Variants in ENTPD5 observed in about 807,000 individuals in gnomAD.
ENTPD5 encodes the protein ectonucleoside triphosphate diphosphohydrolase 5 (inactive).
In ENTPD5, 49 loss-of-function variants were observed where a neutral mutation model predicts 60.2. The ratio of observed to expected loss-of-function variants is 0.81; its 90% confidence interval spans 0.65 to 1.03. The LOEUF is 1.03. ENTPD5 is among the 50% of genes least tolerant of loss of function. The probability of loss-of-function intolerance (pLI) is 0.00; values close to 1 mark genes in which losing one functional copy is unlikely to be tolerated. For synonymous variants in ENTPD5, 187 were observed against 185.4 expected, an observed-to-expected ratio of 1.01 and a Z score of -0.07; for missense variants, 480 against 507.6, an observed-to-expected ratio of 0.95 and a Z score of 0.52.
chr14:73,979,596 C>T (rs189530879), intron 6 of ENTPD5, among the ~76,000 whole-genome samples: 3 of 151,966 alleles, frequency 2.0e-5, no homozygotes, highest in African/African-American at 4.8e-5. Flanking sequence ...CTCAGCCTCC[C>T]GAGTAGCTGG....
chr14:73,959,001 C>T (rs769890899), downstream of ENTPD5: 8 of 1,614,068 alleles, frequency 5.0e-6, no homozygotes, highest in East Asian at 6.7e-5. Flanking sequence ...CTCCGGAGTA[C>T]GGCAGGCTGT....
intron 3 of ENTPD5, among the ~76,000 whole-genome samples, chr14:73,990,200 A>G (rs2058075670): frequency 1.3e-5 from 2 of 152,002 alleles, no homozygotes; most frequent in Non-Finnish European, 2.9e-5. Flanking sequence ...ATAAAAAATA[A>G]TAATTGTAGG....
At chr14:73,972,827 T>C in intron 13 of ENTPD5, 57 bp downstream of exon 13, 1 of 1,586,290 alleles carries the variant, frequency 6.3e-7, no homozygotes, top group South Asian at 1.1e-5. Context: ...TCCTTGACCT[T>C]CCCCACCACA....
intron 3 of ENTPD5, 86 bp downstream of exon 3, chr14:74,011,005 T>C (rs2058831670): frequency 1.6e-5 from 3 of 190,712 alleles, no homozygotes; most frequent in Non-Finnish European, 1.9e-5. Flanking sequence ...CCATCTACTG[T>C]GAGCTCTCAG....
At chr14:73,961,506 C>T (rs1429020772), downstream of ENTPD5, 1 of 1,614,086 alleles carries the variant, frequency 6.2e-7, no homozygotes, top group African/African-American at 1.3e-5. Context: ...TCAACATGGG[C>T]TTTGGGGATA....
chr14:73,990,080 G>T (rs1277438930), intron 3 of ENTPD5, among the ~76,000 whole-genome samples: 1 of 151,942 alleles, frequency 6.6e-6, no homozygotes, highest in Non-Finnish European at 1.5e-5. Context: ...AGGTACTTGG[G>T]AGGCTGAGGT....
downstream of ENTPD5, chr14:73,960,256 T>C (rs1566690881): frequency 4.1e-6 from 4 of 986,680 alleles, no homozygotes; most frequent in Non-Finnish European, 4.8e-6. Flanking sequence ...ATAGTATCAC[T>C]AACTGCTCAG....
downstream of ENTPD5, chr14:73,959,575 G>A: frequency 6.2e-7 from 1 of 1,613,552 alleles, no homozygotes. Context: ...GATACAGAAA[G>A]GTGTTGTTTT....
At chr14:73,989,663 G>A (rs1161574584) in intron 3 of ENTPD5, among the ~76,000 whole-genome samples, 8 of 152,004 alleles carry the variant, frequency 5.3e-5, no homozygotes, top group South Asian at 2.1e-4. Flanking sequence ...GTGAAACCCC[G>A]CCTCTACAAA....
intron 3 of ENTPD5, among the ~76,000 whole-genome samples, chr14:74,004,573 T>C (rs1179629839): frequency 6.6e-6 from 1 of 152,146 alleles, no homozygotes; most frequent in Non-Finnish European, 1.5e-5. Context: ...CTGCAGTCAA[T>C]CTGAAGGCTT....
At chr14:73,982,086 G>T (rs1441563549) in intron 6 of ENTPD5, among the ~76,000 whole-genome samples, 4 of 152,050 alleles carry the variant, frequency 2.6e-5, no homozygotes, top group African/African-American at 9.7e-5. Flanking sequence ...TTGTTTGTTT[G>T]TTTTTTGAGA....
At chr14:73,982,933 G>A (rs1342108756) in intron 6 of ENTPD5, 85 bp downstream of exon 6, 1 of 1,393,192 alleles carries the variant, frequency 7.2e-7, no homozygotes, top group Non-Finnish European at 9.9e-7. Context: ...GAAGGTAGTG[G>A]TCACATTCCA....
intron 5 of ENTPD5, among the ~76,000 whole-genome samples, chr14:73,985,917 C>G (rs907190559): frequency 6.6e-6 from 1 of 151,624 alleles, no homozygotes; most frequent in Non-Finnish European, 1.5e-5. Flanking sequence ...ACTAAAAATA[C>G]AAAAATTAGC....
rs2140581910 is a variant in ENTPD5 at position 73,983,132 on chromosome 14, C to A, written c.327G>T (p.Glu109Asp). 1 of 1,614,050 alleles carries A rather than the reference C, an allele frequency of 6.2e-7. No individual in the cohort carries two copies. The highest frequency in any genetic ancestry group is 2.2e-5 in the East Asian group (1 of 44,888). ...TTCGGGGGATTGAGTCTTTGGCCAC[C>A]TCTAAGAGCCCTTGAACGGTCTCAG... ...QGAETVQGLL[E>D]VAKDSIPRSH... Residue 109 changes from glutamate to aspartate, a missense_variant, in exon 6 of 16, where the codon GAG (glutamate) becomes GAT (aspartate). Transcript: ENST00000334696.
chr14:73,996,967 C>G (rs1045169072), intron 3 of ENTPD5, among the ~76,000 whole-genome samples: 3 of 152,038 alleles, frequency 2.0e-5, no homozygotes, highest in South Asian at 2.1e-4. Flanking sequence ...AAAACCCAGA[C>G]AAGCAAACCA....
chr14:73,987,800 T>A, intron 4 of ENTPD5, 86 bp downstream of exon 4: 2 of 1,264,032 alleles, frequency 1.6e-6, no homozygotes, highest in Non-Finnish European at 2.2e-6. Flanking sequence ...GTAATTCACA[T>A]AATAAACTCT....
chr14:73,960,060 G>A (rs1379545918), downstream of ENTPD5: 2 of 1,004,172 alleles, frequency 2.0e-6, no homozygotes, highest in Non-Finnish European at 2.4e-6. Flanking sequence ...CTGCCTGGGT[G>A]GTGGTTAGCA....
chr14:73,986,931 G>T (rs1471956068), intron 4 of ENTPD5, 38 bp from the exon 5 acceptor site: 3 of 1,510,580 alleles, frequency 2.0e-6, no homozygotes, highest in East Asian at 2.3e-5. Flanking sequence ...GAGAGAGCTG[G>T]TTACCAAAAG....
chr14:73,978,910 C>CAAAAAGA (rs1306157953), intron 6 of ENTPD5, among the ~76,000 whole-genome samples: 1 of 143,962 alleles, frequency 6.9e-6, no homozygotes, highest in Non-Finnish European at 1.5e-5. Context: ...AATTCAGTCT[C>CAAAAAGA]AAAAAGAAAA....
Sources: allele counts gnomAD v4.1 joint callset (sites outside exome capture counted in the v4.1 genomes callset), GRCh38; gene constraint gnomAD v4.1.1; transcripts MANE v1.5; gene names NCBI Gene and HGNC (gene_info 2026-07-23, HGNC 2026-07-21).